Variants in CEP15 observed in about 807,000 individuals in gnomAD.
The protein encoded by CEP15 is centrosomal protein 15 kDa.
At chr3:62,319,997 A>T in the CEP15 span, among the ~76,000 whole-genome samples, 12 of 152,362 alleles carry the variant, frequency 7.9e-5, no homozygotes, top group East Asian at 2.3e-3. Context: ...GAGATGGTAG[A>T]ACTGGGCACT....
chr3:62,321,820 G>C, the CEP15 span: 1 of 772,824 alleles, frequency 1.3e-6, no homozygotes, highest in Non-Finnish European at 2.0e-6. This position sits in a 1 kb window ranked among gnomAD's most constrained non-coding sequence, Gnocchi z 4.1. Context: ...TTCAGAATAG[G>C]TTAGAGTTGA....
the CEP15 span, among the ~76,000 whole-genome samples, chr3:62,326,471 G>A: frequency 5.3e-5 from 8 of 152,100 alleles, no homozygotes; most frequent in African/African-American, 1.9e-4. Context: ...TTCAAGTTTT[G>A]GAGGAAGTGG....
the CEP15 span, chr3:62,321,972 A>G: frequency 6.2e-7 from 1 of 1,607,644 alleles, no homozygotes. This position sits in a 1 kb window ranked among gnomAD's most constrained non-coding sequence, Gnocchi z 4.1. Context: ...TGGAGAATAA[A>G]TTGGGTGATC....
chr3:62,333,281 A>G, the CEP15 span: 1 of 1,610,812 alleles, frequency 6.2e-7, no homozygotes, highest in African/African-American at 1.3e-5. The surrounding 1 kb of genome is among the most constrained non-coding windows in gnomAD (Gnocchi z 4.0). Context: ...CAGTAGAAGA[A>G]TATATTCCCA....
chr3:62,323,386 T>C, the CEP15 span, among the ~76,000 whole-genome samples: 1 of 152,174 alleles, frequency 6.6e-6, no homozygotes, highest in Non-Finnish European at 1.5e-5. Flanking sequence ...AGGCAAGGCA[T>C]ACTGTTGGAT....
At chr3:62,332,596 T>C in the CEP15 span, among the ~76,000 whole-genome samples, 2 of 152,232 alleles carry the variant, frequency 1.3e-5, no homozygotes, top group Non-Finnish European at 1.5e-5. Flanking sequence ...CTAAAGCCTA[T>C]AGACTTCTAC....
At chr3:62,333,467 T>C in the CEP15 span, 11 of 1,480,318 alleles carry the variant, frequency 7.4e-6, no homozygotes, top group Non-Finnish European at 1.0e-5. The surrounding 1 kb of genome is among the most constrained non-coding windows in gnomAD (Gnocchi z 4.0). Flanking sequence ...GCAGGAACTT[T>C]AGGAATTAAA....
the CEP15 span, among the ~76,000 whole-genome samples, chr3:62,326,022 CAAAAAA>C: frequency 9.4e-6 from 1 of 106,756 alleles, no homozygotes. Context: ...GACTTCGTCT[CAAAAAA>C]AAAAAAAAAA....
chr3:62,322,143 T>C, the CEP15 span: 81 of 1,364,924 alleles, frequency 5.9e-5, no homozygotes, highest in South Asian at 1.0e-4. This position sits in a 1 kb window ranked among gnomAD's most constrained non-coding sequence, Gnocchi z 5.5. Context: ...ATATAACTTA[T>C]TGGTTCTCAG....
At chr3:62,323,700 A>G in the CEP15 span, among the ~76,000 whole-genome samples, 1 of 152,234 alleles carries the variant, frequency 6.6e-6, no homozygotes, top group Non-Finnish European at 1.5e-5. Context: ...AGTCATACAT[A>G]TATAAGGAAC....
At chr3:62,321,235 A>T in the CEP15 span, among the ~76,000 whole-genome samples, 1 of 152,202 alleles carries the variant, frequency 6.6e-6, no homozygotes, top group Non-Finnish European at 1.5e-5. The surrounding 1 kb of genome is among the most constrained non-coding windows in gnomAD (Gnocchi z 4.1). Context: ...AAAAACATAT[A>T]AAATAAGCAT....
chr3:62,319,533 G>C, the CEP15 span: 1 of 152,238 alleles, frequency 6.6e-6, no homozygotes. Flanking sequence ...GCAGGGCGGT[G>C]TTTCCGTTTT....
chr3:62,323,358 T>C, the CEP15 span, among the ~76,000 whole-genome samples: 2 of 152,192 alleles, frequency 1.3e-5, no homozygotes, highest in Non-Finnish European at 2.9e-5. Flanking sequence ...AAGCCTAGCC[T>C]GTGTTTCAAT....
At chr3:62,336,210 A>T in the CEP15 span, 1 of 152,082 alleles carries the variant, frequency 6.6e-6, no homozygotes, top group East Asian at 1.9e-4. This position sits in a 1 kb window ranked among gnomAD's most constrained non-coding sequence, Gnocchi z 4.4. Context: ...TTATTTTGAG[A>T]TTATTTTGTC....
At chr3:62,323,449 C>T in the CEP15 span, among the ~76,000 whole-genome samples, 3 of 152,010 alleles carry the variant, frequency 2.0e-5, no homozygotes, top group African/African-American at 4.8e-5. Context: ...ATCCTGGGAG[C>T]GTGACTAACT....
the CEP15 span, among the ~76,000 whole-genome samples, chr3:62,320,150 C>CA: frequency 6.6e-6 from 1 of 152,074 alleles, no homozygotes; most frequent in Non-Finnish European, 1.5e-5. Flanking sequence ...TCTGTTGATT[C>CA]AATAAAACGT....
At chr3:62,331,889 T>C in the CEP15 span, among the ~76,000 whole-genome samples, 3 of 152,132 alleles carry the variant, frequency 2.0e-5, no homozygotes, top group South Asian at 6.2e-4. Flanking sequence ...TTAGCAAAAA[T>C]AAACTATATT....
chr3:62,321,544 T>C, the CEP15 span, among the ~76,000 whole-genome samples: 4 of 152,174 alleles, frequency 2.6e-5, no homozygotes, highest in African/African-American at 9.6e-5. The surrounding 1 kb of genome is among the most constrained non-coding windows in gnomAD (Gnocchi z 4.1). Context: ...GTTATATCAA[T>C]GTATGTGTGT....
chr3:62,319,329 G>A, the CEP15 span: 1 of 152,212 alleles, frequency 6.6e-6, no homozygotes, highest in Non-Finnish European at 1.5e-5. Flanking sequence ...CCGACTTTCC[G>A]GGATTCCCTT....
Sources: gnomAD v4.1 joint callset for allele counts (sites outside exome capture counted in the v4.1 genomes callset) on GRCh38, gnomAD v4.1.1 for gene constraint, Gnocchi (gnomAD v3.1) non-coding constraint, MANE v1.5 for transcripts, NCBI Gene and HGNC (gene_info 2026-07-23, HGNC 2026-07-21) for gene names.